Variants in TNRC6B observed in about 807,000 individuals in gnomAD.
TNRC6B encodes the protein trinucleotide repeat-containing gene 6B protein.
TNRC6B carries 52 observed loss-of-function variants against 203.6 expected under a neutral mutation model. That is an observed-to-expected ratio of 0.26 (90% CI 0.20 to 0.32). The LOEUF (loss-of-function observed/expected upper bound fraction) is 0.32, where lower values mean the gene tolerates loss of function less well. Ranked by LOEUF, TNRC6B falls within the 10% of genes least tolerant of loss-of-function variation. The pLI is 1.00. For missense variants in TNRC6B, 1,923 were observed against 2,286.2 expected (o/e 0.84, Z 3.24); for synonymous variants, 838 against 845.7 (o/e 0.99, Z 0.16).
At chr22:40,274,546 G>A (rs991881039) in intron 7 of TNRC6B, among the ~76,000 whole-genome samples, 6 of 151,056 alleles carry the variant, frequency 4.0e-5, no homozygotes, top group African/African-American at 1.5e-4. Context: ...TCAGCCTCCC[G>A]AGTAGCTGGG....
intron 3 of TNRC6B, among the ~76,000 whole-genome samples, chr22:40,133,494 C>T (rs1028140465): frequency 1.3e-5 from 2 of 151,986 alleles, no homozygotes; most frequent in Non-Finnish European, 2.9e-5. Context: ...GCTATGATAC[C>T]GATATTAAAT....
chr22:40,143,633 A>G (rs1331793616), intron 3 of TNRC6B, among the ~76,000 whole-genome samples: 1 of 151,828 alleles, frequency 6.6e-6, no homozygotes, highest in African/African-American at 2.4e-5. Flanking sequence ...AGTAGCTGGG[A>G]CTACAGGCGC....
Position 40,310,927 on chromosome 22 carries a change from T to C in TNRC6B, c.4369T>C (p.Leu1457=). The change falls in exon 17 of 23, where the codon TTA becomes CTA. Residue 1457 remains leucine, a synonymous_variant. Coordinates refer to ENST00000454349, the MANE Select transcript of TNRC6B (RefSeq NM_001162501.2). ...GHTGPAGDSW[L]PAKSPPTNKI... is the part of the protein sequence containing the mutation. ...TACGGGTCCTGCTGGTGATAGCTGG[T>C]TACCTGCCAAATCTCCACCAACAAA... The C allele has an allele frequency of 6.2e-7, 1 of 1,611,180 alleles. No homozygotes were observed. The highest frequency in any genetic ancestry group is 8.5e-7 in the Non-Finnish European group (1 of 1,179,060).
rs984755647 is a variant in TNRC6B at position 40,177,955 on chromosome 22, G to T, written c.-181G>T. On this transcript the variant is annotated 5_prime_UTR_variant, in exon 1 of 23. Transcript: ENST00000454349. Reference sequence around the variant, plus strand: ...CAGAGAGGGAGAGAGAGAGCAAGAGGGAGAGTGTGTGAGAGAGAGTTAGTT... The same window carrying T: ...CAGAGAGGGAGAGAGAGAGCAAGAGTGAGAGTGTGTGAGAGAGAGTTAGTT... 2.2e-5 allele frequency: 31 copies of T among 1,420,880 alleles called. No homozygotes were observed. Among genetic ancestry groups the T allele is most frequent in the Middle Eastern group, 2.6e-4 (1 of 3,892 alleles). 88.0% of individuals were successfully genotyped at this position (1,420,880 alleles called of 1,614,324 possible).
intron 1 of TNRC6B, among the ~76,000 whole-genome samples, chr22:40,056,753 G>GCAT (rs1569245410): frequency 6.8e-6 from 1 of 146,168 alleles, no homozygotes; most frequent in African/African-American, 2.6e-5. Context: ...AGCTAGGATT[G>GCAT]CATCACTACA....
At chr22:40,197,535 C>T (rs2069356990) in intron 1 of TNRC6B, among the ~76,000 whole-genome samples, 1 of 151,832 alleles carries the variant, frequency 6.6e-6, no homozygotes, top group Admixed American at 6.6e-5. Flanking sequence ...GATCTACCCC[C>T]CTCGGCCTCC....
At chr22:40,069,131 G>A (rs1240226798) in intron 1 of TNRC6B, among the ~76,000 whole-genome samples, 4 of 151,920 alleles carry the variant, frequency 2.6e-5, no homozygotes, top group African/African-American at 7.3e-5. Flanking sequence ...ACAGTATCTC[G>A]CTGTCTCGCC....
In TNRC6B at chr22:40,333,551, G is replaced by A. The variant is rs1258516086; in HGVS notation, c.*10310G>A. The A allele has an allele frequency of 6.6e-6, 1 of 152,596 alleles. No individual in the cohort carries two copies. Among genetic ancestry groups the A allele is most frequent in the Admixed American group, 6.5e-5 (1 of 15,280 alleles). 9.5% of individuals were successfully genotyped at this position (152,596 alleles called of 1,614,324 possible). A position where few individuals can be genotyped will look rare whatever the true frequency, so the allele number is the denominator to read the frequency against. On this transcript the variant is annotated 3_prime_UTR_variant, in exon 23 of 23. Coordinates refer to ENST00000454349, the MANE Select transcript of TNRC6B (RefSeq NM_001162501.2). ...AGACACACACATACACACCCCTTGA[G>A]TAACTCAGTATCATTTTGTAGTTCA...
intron 12 of TNRC6B, among the ~76,000 whole-genome samples, chr22:40,295,661 C>T (rs990502692): frequency 6.6e-6 from 1 of 151,782 alleles, no homozygotes; most frequent in Admixed American, 6.6e-5. Context: ...TATAATGGGA[C>T]ATTTTCAGAA....
In TNRC6B at chr22:40,262,129, A is replaced by G; in HGVS notation, c.413A>G (p.Gln138Arg). The G allele has an allele frequency of 6.7e-7, 1 of 1,493,516 alleles. No homozygotes were observed. Among genetic ancestry groups the G allele is most frequent in the East Asian group, 2.3e-5 (1 of 42,810 alleles). The allele number at this position is 1,493,516 out of a possible 1,614,324, so 92.5% of individuals were successfully genotyped here. ...CCTGGAGCAAACCCAAACAACGCAC[A>G]AGTGACAGGAGCGCTGCTGCAGAGT... ...TAPGANPNNA[Q>R]VTGALLQSES... is the part of the protein sequence containing the mutation. Residue 138 changes from glutamine to arginine, a missense_variant, in exon 4 of 23, where the codon CAA (glutamine) becomes CGA (arginine). Gln to Arg is a conservative substitution (Grantham distance 43). This residue lies in a region of TNRC6B where 614 missense variants were observed against 587.7 expected (regional missense o/e 1.04). Transcript: ENST00000454349.
At chr22:40,046,789 C>T (rs2067691807) in intron 1 of TNRC6B, among the ~76,000 whole-genome samples, 1 of 151,860 alleles carries the variant, frequency 6.6e-6, no homozygotes, top group Admixed American at 6.6e-5. Flanking sequence ...GGACTACAGG[C>T]GCCCGCCACC....
At chr22:40,131,832 A>T (rs2068547588) in intron 3 of TNRC6B, among the ~76,000 whole-genome samples, 1 of 152,248 alleles carries the variant, frequency 6.6e-6, no homozygotes, top group South Asian at 2.1e-4. Flanking sequence ...TAAATGCTGA[A>T]GGAAGACAAG....
At position 40,245,157 on chromosome 22, in the gene TNRC6B, C is replaced by T. The variant is rs2070088379; in HGVS notation, c.6-858C>T. 2.0e-5 allele frequency among the ~76,000 whole-genome samples: 3 copies of T among 152,214 alleles called. No individual in the cohort carries two copies. In the South Asian group the frequency reaches 6.2e-4, roughly 32 times the overall value. ...CTGGGCTGGAGTGCAGTGGCACTAT[C>T]TTGGCTCACTCCAACCTCCTCTTCC... On this transcript the variant is annotated intron_variant, in intron 1 of 22. Transcript: ENST00000454349.
Position 40,261,994 on chromosome 22 carries a change from C to T in TNRC6B, c.278C>T (p.Pro93Leu). The T allele has an allele frequency of 6.2e-7, 1 of 1,610,714 alleles. No individual in the cohort carries two copies. Among genetic ancestry groups the T allele is most frequent in the Non-Finnish European group, 8.5e-7 (1 of 1,177,968 alleles). The change falls in exon 4 of 23, where the codon CCG becomes CTG. Residue 93 changes from proline to leucine, a missense_variant. Physicochemically the swap from Pro to Leu is moderately conservative, Grantham distance 98. Transcript: ENST00000454349. ...CGCTACATGCCTCGGGAGGTGCCGC[C>T]GCGATTCCGTTGCCAGCAGGACCAC... ...AARYMPREVPPRFRCQQDHKV... is the reference protein window; with the variant it reads ...AARYMPREVPLRFRCQQDHKV...
At chr22:40,207,439 A>G (rs1193937180) in intron 1 of TNRC6B, among the ~76,000 whole-genome samples, 7 of 134,422 alleles carry the variant, frequency 5.2e-5, no homozygotes, top group Non-Finnish European at 9.4e-5. Flanking sequence ...ATATATATAT[A>G]TATATGTATA....
At chr22:40,298,525 A>G (rs2070976386) in intron 12 of TNRC6B, among the ~76,000 whole-genome samples, 1 of 152,268 alleles carries the variant, frequency 6.6e-6, no homozygotes, top group Non-Finnish European at 1.5e-5. Context: ...GTGAACATTT[A>G]TGGAGGACAT....
At chr22:40,147,328 A>G (rs775832470) in intron 3 of TNRC6B, among the ~76,000 whole-genome samples, 3 of 152,194 alleles carry the variant, frequency 2.0e-5, no homozygotes, top group Admixed American at 6.5e-5. Flanking sequence ...TTTAAGGGGT[A>G]CAGAGTTTCA....
chr22:40,238,268 G>A (rs1335427137), intron 1 of TNRC6B, among the ~76,000 whole-genome samples: 2 of 152,098 alleles, frequency 1.3e-5, no homozygotes, highest in Non-Finnish European at 2.9e-5. Flanking sequence ...GGGTGCTCTG[G>A]TGCAGCAGGC....
At chr22:40,064,238 G>A (rs2067877266) in intron 1 of TNRC6B, among the ~76,000 whole-genome samples, 1 of 152,036 alleles carries the variant, frequency 6.6e-6, no homozygotes, top group South Asian at 2.1e-4. Flanking sequence ...GATGCTCTTT[G>A]TTTCATTTTC....
Sources: gnomAD v4.1 joint callset for allele counts (sites outside exome capture counted in the v4.1 genomes callset) on GRCh38, gnomAD v4.1.1 for gene constraint, gnomAD v4.1.1 regional missense constraint, MANE v1.5 for transcripts, NCBI Gene and HGNC (gene_info 2026-07-23, HGNC 2026-07-21) for gene names.